The following SLC36A1 variants were observed in gnomAD, a reference collection of about 807,000 sequenced individuals.
SLC36A1 encodes the protein solute carrier family 36 member 1, also known as proton-coupled amino acid transporter 1.
Under a neutral mutation model 47.5 loss-of-function variants are expected in SLC36A1, and 30 were observed. The observed-to-expected ratio is 0.63, with a 90% CI of 0.47 to 0.86. The LOEUF is 0.86. Among genes scored for constraint, SLC36A1 ranks in the 40% least tolerant of loss-of-function variants. The pLI is 0.00. For synonymous variants in SLC36A1, 255 were observed against 249.7 expected (o/e 1.02, Z -0.20); for missense variants, 517 against 606.0 (o/e 0.85, Z 1.54).
chr5:151,497,578 T>G, the SLC36A1 span, among the ~76,000 whole-genome samples: 1 of 152,216 alleles, frequency 6.6e-6, no homozygotes, highest in East Asian at 1.9e-4. Flanking sequence ...ATAACTTCTA[T>G]TTTTGGCATA....
At chr5:151,551,976 GGTGT>G in the SLC36A1 span, among the ~76,000 whole-genome samples, 380 of 143,630 alleles carry the variant, frequency 2.6e-3, 1 homozygote, top group South Asian at 0.011. Flanking sequence ...TAACCCTAAG[GGTGT>G]GTGTGTGTGT....
chr5:151,498,823 C>T, the SLC36A1 span, among the ~76,000 whole-genome samples: 26 of 152,276 alleles, frequency 1.7e-4, no homozygotes, highest in African/African-American at 6.3e-4. Flanking sequence ...ATGGCTGGGC[C>T]CCTGTGGACC....
chr5:151,479,718 G>C (rs1758559039), intron 10 of SLC36A1: 1 of 556,986 alleles, frequency 1.8e-6, no homozygotes, highest in Non-Finnish European at 3.2e-6. Flanking sequence ...TTTATGTATA[G>C]ATAGGGTATG....
At chr5:151,401,673 T>C in the SLC36A1 span, among the ~76,000 whole-genome samples, 1 of 152,242 alleles carries the variant, frequency 6.6e-6, no homozygotes, top group Non-Finnish European at 1.5e-5. Flanking sequence ...CATTTGTTTG[T>C]GTCATTTATG....
chr5:151,403,942 G>C, the SLC36A1 span, among the ~76,000 whole-genome samples: 1 of 152,116 alleles, frequency 6.6e-6, no homozygotes, highest in Non-Finnish European at 1.5e-5. Context: ...AGGTCCAATT[G>C]GTCAGGGGTC....
chr5:151,431,181 G>A, the SLC36A1 span: 3 of 152,182 alleles, frequency 2.0e-5, no homozygotes, highest in Non-Finnish European at 2.9e-5. Context: ...GGAGAGCACA[G>A]ATTTAGCTCT....
At chr5:151,362,629 G>A in the SLC36A1 span, among the ~76,000 whole-genome samples, 10 of 151,902 alleles carry the variant, frequency 6.6e-5, no homozygotes, top group East Asian at 5.8e-4. Flanking sequence ...GACCTCAGGC[G>A]ATCTCCCTGC....
upstream of SLC36A1, among the ~76,000 whole-genome samples, chr5:151,432,548 G>A (rs777239930): frequency 3.3e-4 from 51 of 152,272 alleles, 1 homozygote; most frequent in Middle Eastern, 3.4e-3. Flanking sequence ...TTATCCCCTG[G>A]TTATTCAATT....
chr5:151,550,631 C>T, the SLC36A1 span: 2,987 of 1,614,142 alleles, frequency 1.9e-3, 42 homozygotes, highest in African/African-American at 0.035. Flanking sequence ...GAGCCGAGGT[C>T]CAATTTTCCC....
chr5:151,472,912 G>A (rs6860591), intron 7 of SLC36A1, among the ~76,000 whole-genome samples: 1,733 of 152,238 alleles, frequency 0.011, 24 homozygotes, highest in African/African-American at 0.04. Context: ...CAACGCCTGT[G>A]ATCCCAGCAC....
At chr5:151,458,263 C>T (rs944307194) in intron 1 of SLC36A1, among the ~76,000 whole-genome samples, 12 of 139,748 alleles carry the variant, frequency 8.6e-5, no homozygotes, top group African/African-American at 2.4e-4. Context: ...TATATATATA[C>T]GTGTGTATAT....
At chr5:151,407,696 G>A in the SLC36A1 span, among the ~76,000 whole-genome samples, 1 of 152,202 alleles carries the variant, frequency 6.6e-6, no homozygotes, top group African/African-American at 2.4e-5. Flanking sequence ...ATAATACAGT[G>A]GGGTGTTGGG....
intron 1 of SLC36A1, among the ~76,000 whole-genome samples, chr5:151,450,529 G>A (rs1753497170): frequency 6.6e-6 from 1 of 151,994 alleles, no homozygotes; most frequent in Admixed American, 6.5e-5. Context: ...ATGTGGGATG[G>A]ATGGAGCCGA....
At chr5:151,429,269 A>G in the SLC36A1 span, among the ~76,000 whole-genome samples, 4 of 151,818 alleles carry the variant, frequency 2.6e-5, no homozygotes, top group East Asian at 7.8e-4. Context: ...ACATATGTAT[A>G]CATGTGCCAT....
chr5:151,494,360 A>G (rs1166436219), downstream of SLC36A1, among the ~76,000 whole-genome samples: 3 of 152,176 alleles, frequency 2.0e-5, no homozygotes, highest in Non-Finnish European at 4.4e-5. Flanking sequence ...GTGCAGTTCA[A>G]TGTGTTTTGC....
At chr5:151,474,183 A>AAAAAAAAAAATTATCTTC (rs1561770143) in intron 8 of SLC36A1, among the ~76,000 whole-genome samples, 2 of 145,366 alleles carry the variant, frequency 1.4e-5, no homozygotes, top group African/African-American at 5.6e-5. Flanking sequence ...AAAAAAAGAA[A>AAAAAAAAAAATTATCTTC]TTATCTTCTG....
Position 151,467,831 on chromosome 5 carries a change from T to C in SLC36A1, c.629T>C (p.Phe210Ser). The change falls in exon 7 of 11, where the codon TTC becomes TCC. Residue 210 changes from phenylalanine (F) to serine (S), a missense_variant. Transcript: ENST00000243389. ...SFLPFLVLLVFIRNLRALSIF... is the reference protein window; with the variant it reads ...SFLPFLVLLVSIRNLRALSIF... ...CTGCCCTTCCTGGTGCTGCTGGTTT[T>C]CATCAGGAACCTCCGAGCCCTGTCC... 1 of 1,614,052 alleles carries C rather than the reference T, an allele frequency of 6.2e-7. No homozygotes were observed. Among genetic ancestry groups the C allele is most frequent in the Non-Finnish European group, 8.5e-7 (1 of 1,179,984 alleles).
chr5:151,554,862 A>T, the SLC36A1 span, among the ~76,000 whole-genome samples: 17 of 152,340 alleles, frequency 1.1e-4, no homozygotes, highest in African/African-American at 3.6e-4. Flanking sequence ...GAGAACAGAG[A>T]AAGGAAGCAG....
chr5:151,401,066 TG>T, the SLC36A1 span, among the ~76,000 whole-genome samples: 4 of 152,226 alleles, frequency 2.6e-5, no homozygotes, highest in Middle Eastern at 3.2e-3. Context: ...TAATTGCTTT[TG>T]AGGGCTTAGT....
Sources: allele counts gnomAD v4.1 joint callset (sites outside exome capture counted in the v4.1 genomes callset), GRCh38; gene constraint gnomAD v4.1.1; transcripts MANE v1.5; gene names NCBI Gene and HGNC (gene_info 2026-07-23, HGNC 2026-07-21).